HSPA14: variants seen among roughly 807,000 people sequenced by gnomAD.
HSPA14 encodes the protein heat shock 70 kDa protein 14.
A neutral mutation model predicts 65.5 loss-of-function variants in HSPA14; 37 were observed. The ratio of observed to expected loss-of-function variants is 0.56; its 90% CI spans 0.43 to 0.74. The LOEUF (loss-of-function observed/expected upper bound fraction) is 0.74. HSPA14 is among the 30% of genes least tolerant of loss of function. The pLI, the probability that HSPA14 is intolerant of heterozygous loss-of-function variation, is 0.00. For missense variants in HSPA14, 564 were observed against 607.6 expected (o/e 0.93, Z 0.75); for synonymous variants, 203 against 214.2 (o/e 0.95, Z 0.46).
intron 1 of HSPA14, 135 bp downstream of exon 1, chr10:14,838,594 C>T (rs545895677): frequency 7.0e-6 from 6 of 851,382 alleles, no homozygotes; most frequent in Non-Finnish European, 1.0e-5. Flanking sequence ...GAGGACACTC[C>T]GGAGCGAAGG....
At chr10:14,844,510 T>G (rs181392127) in intron 3 of HSPA14, 1 of 987,998 alleles carries the variant, frequency 1.0e-6, no homozygotes, top group East Asian at 1.1e-4. Context: ...AACCTGTATT[T>G]GTACCTTAAT....
At chr10:14,864,894 G>A (rs544843265) in intron 10 of HSPA14, among the ~76,000 whole-genome samples, 117 of 152,238 alleles carry the variant, frequency 7.7e-4, no homozygotes, top group African/African-American at 2.7e-3. Flanking sequence ...CTGAGGAATC[G>A]CCACACTGTC....
At position 14,852,366 on chromosome 10, in the gene HSPA14, G is replaced by A; in HGVS notation, c.573-4G>A. 6.2e-7 allele frequency: 1 copy of A among 1,611,088 alleles called. No homozygotes were observed. Among genetic ancestry groups the A allele is most frequent in the Non-Finnish European group, 8.5e-7 (1 of 1,178,346 alleles). On this transcript the variant is annotated splice_region_variant and splice_polypyrimidine_tract_variant and intron_variant, in intron 7 of 13. Transcript: ENST00000378372. ...CTGATAACTTACTTTATCTTCTCTT[G>A]AAGCAATATTTTGGTGTTTAAGCTT...
At chr10:14,839,343 G>A (rs2131632870) in intron 1 of HSPA14, among the ~76,000 whole-genome samples, 1 of 152,350 alleles carries the variant, frequency 6.6e-6, no homozygotes, top group Admixed American at 6.5e-5. Flanking sequence ...GGAAGCCGAG[G>A]CAGGCGGATC....
intron 9 of HSPA14, among the ~76,000 whole-genome samples, chr10:14,855,324 TA>T (rs1834138279): frequency 6.6e-6 from 1 of 152,196 alleles, no homozygotes; most frequent in African/African-American, 2.4e-5. Context: ...AAATTTTTCT[TA>T]AAACTTTGTT....
Position 14,849,289 on chromosome 10 carries a change from G to C in HSPA14, c.376+394G>C, listed in dbSNP as rs765325346. On this transcript the variant is annotated intron_variant, in intron 5 of 13. Coordinates refer to ENST00000378372, the MANE Select transcript of HSPA14 (RefSeq NM_016299.4). ...GCTCTGAGCTGAGTGGTATTCTGTC[G>C]AACAATTTGGGAAATTCTGGAATAG... 112 of 411,216 alleles carry C rather than the reference G, an allele frequency of 2.7e-4. 1 individual carries two copies. Among genetic ancestry groups the C allele is most frequent in the Non-Finnish European group, 6.8e-5 (14 of 207,370 alleles). The allele number at this position is 411,216 out of a possible 1,614,324, so 25.5% of individuals were successfully genotyped here. A position where few individuals can be genotyped will look rare whatever the true frequency, so the allele number is the denominator to read the frequency against.
At position 14,842,294 on chromosome 10, in the gene HSPA14, G is replaced by A. The variant is rs1178108348; in HGVS notation, c.221+2137G>A. 2 of 1,535,708 alleles carry A rather than the reference G, an allele frequency of 1.3e-6. No individual in the cohort carries two copies. The highest frequency in any genetic ancestry group is 2.0e-5 in the Admixed American group (1 of 50,988). The stretch of plus-strand genomic sequence containing the variant: ...TCCTTTCCAACCCACAATGGCCAGT[G>A]CCAATAGCAGTGCGGGCATCCGGTG... On this transcript the variant is annotated intron_variant, in intron 3 of 13. Transcript: ENST00000378372. This position sits in a 1 kb window ranked among gnomAD's most constrained non-coding sequence, Gnocchi z 5.2.
chr10:14,848,917 A>T (rs1834086751), intron 5 of HSPA14, 22 bp downstream of exon 5: 2 of 1,194,034 alleles, frequency 1.7e-6, no homozygotes, highest in African/African-American at 3.1e-5. Context: ...AAGATATATA[A>T]TAGTTACCTT....
chr10:14,870,739 T>A (rs1293984868), intron 13 of HSPA14, 72 bp downstream of exon 13: 34 of 1,304,696 alleles, frequency 2.6e-5, no homozygotes, highest in Non-Finnish European at 3.4e-5. Flanking sequence ...TTATTGATTT[T>A]TTTATTTATT....
intron 3 of HSPA14, chr10:14,844,007 C>A: frequency 6.9e-7 from 1 of 1,459,826 alleles, no homozygotes; most frequent in Non-Finnish European, 9.0e-7. Context: ...ATGGATGAAC[C>A]ATTTATATCC....
At chr10:14,839,247 C>A (rs1342333205) in intron 1 of HSPA14, among the ~76,000 whole-genome samples, 1 of 152,136 alleles carries the variant, frequency 6.6e-6, no homozygotes, top group East Asian at 1.9e-4. Flanking sequence ...TTAGGAAAAG[C>A]CAAAGGGAAT....
At chr10:14,865,925 T>C (rs1564326724) in intron 10 of HSPA14, among the ~76,000 whole-genome samples, 3 of 152,324 alleles carry the variant, frequency 2.0e-5, no homozygotes, top group Admixed American at 6.5e-5. Flanking sequence ...ATTTTCATGA[T>C]ATTGATTCTT....
chr10:14,849,119 G>T (rs1834088215), intron 5 of HSPA14, among the ~76,000 whole-genome samples: 1 of 152,158 alleles, frequency 6.6e-6, no homozygotes, highest in African/African-American at 2.4e-5. Flanking sequence ...TCATATAAAT[G>T]AATTAGGCCA....
rs1408033023 is a variant in HSPA14 at position 14,867,255 on chromosome 10, C to G, written c.1166C>G (p.Ser389Cys). Residue 389 changes from serine to cysteine, a missense_variant, in exon 11 of 14, where the codon TCT becomes TGT. Physicochemically the swap from Ser to Cys is moderately radical, Grantham distance 112. Transcript: ENST00000378372. ...IGKENLLVEDSLMIECSARDI... is the reference protein window; with the variant it reads ...IGKENLLVEDCLMIECSARDI... ...AAAGAAAACCTGTTGGTGGAAGACT[C>G]TCTTATGATAGAGTGTTCAGCCAGA... The G allele has an allele frequency of 1.9e-6, 3 of 1,613,576 alleles. No homozygotes were observed. Among genetic ancestry groups the G allele is most frequent in the African/African-American group, 1.3e-5 (1 of 74,892 alleles).
chr10:14,871,669 T>G lies in HSPA14; in HGVS notation c.*63T>G, dbSNP rs967977757. The G allele has an allele frequency of 1.2e-6, 1 of 849,234 alleles. No individual in the cohort carries two copies. The highest frequency in any genetic ancestry group is 1.7e-5 in the African/African-American group (1 of 58,148). The allele number at this position is 849,234 out of a possible 1,614,324, so 52.6% of individuals were successfully genotyped here. On this transcript the variant is annotated 3_prime_UTR_variant, in exon 14 of 14. Coordinates refer to ENST00000378372, the MANE Select transcript of HSPA14 (RefSeq NM_016299.4). ...ATCAACATTTGGTTTTGTGTATAAGTGGTGTTTGTATTAAAATACTTTTTC... is the reference window on the plus strand; with the variant it reads ...ATCAACATTTGGTTTTGTGTATAAGGGGTGTTTGTATTAAAATACTTTTTC...
intron 10 of HSPA14, among the ~76,000 whole-genome samples, chr10:14,857,424 T>C (rs376810408): frequency 6.6e-6 from 1 of 152,254 alleles, no homozygotes; most frequent in African/African-American, 2.4e-5. Context: ...TATAGCCTTG[T>C]CGACACTGAG....
Position 14,851,311 on chromosome 10 carries a change from C to T in HSPA14, c.560C>T (p.Pro187Leu). 1 of 1,597,350 alleles carries T rather than the reference C, an allele frequency of 6.3e-7. No homozygotes were observed. Among genetic ancestry groups the T allele is most frequent in the Non-Finnish European group, 8.6e-7 (1 of 1,165,780 alleles). The part of the protein sequence containing the change: ...LLAYGIGQDS[P>L]TGKSNILVFK... ...GCTTATGGAATTGGACAAGACTCCCCTACTGGAAAAAGGTAAAGATCATAT... is the reference window on the plus strand; with the variant it reads ...GCTTATGGAATTGGACAAGACTCCCTTACTGGAAAAAGGTAAAGATCATAT... The change falls in exon 7 of 14, where the codon CCT becomes CTT. Residue 187 changes from proline to leucine, a missense_variant. By Grantham distance (98) the Pro-to-Leu change is moderately conservative. Transcript: ENST00000378372.
At chr10:14,869,848 T>G (rs1464848083) in intron 12 of HSPA14, among the ~76,000 whole-genome samples, 2 of 152,188 alleles carry the variant, frequency 1.3e-5, no homozygotes, top group Non-Finnish European at 2.9e-5. Flanking sequence ...TCTCTGAGAC[T>G]CCATAGCTGC....
Position 14,863,521 on chromosome 10 carries a change from TGAG to T in HSPA14, c.994-3561_994-3559del, listed in dbSNP as rs1832774779. On this transcript the variant is annotated intron_variant, in intron 10 of 13. Transcript: ENST00000378372. Reference sequence around the variant, plus strand: ...TCTGAACAAGGTGTCTATCATAAACTGAGTGTAACAGTCCTGTCCCCTAACCCA... The same window carrying T: ...TCTGAACAAGGTGTCTATCATAAACTTGTAACAGTCCTGTCCCCTAACCCA... 9.2e-5 allele frequency among the ~76,000 whole-genome samples: 14 copies of T among 152,330 alleles called. No homozygotes were observed. In the South Asian group the frequency reaches 2.9e-3, roughly 32 times the overall value.
Sources: allele counts gnomAD v4.1 joint callset (sites outside exome capture counted in the v4.1 genomes callset), GRCh38; gene constraint gnomAD v4.1.1; non-coding constraint Gnocchi (gnomAD v3.1); transcripts MANE v1.5; gene names NCBI Gene and HGNC (gene_info 2026-07-23, HGNC 2026-07-21).